Variants in CHST11 observed in about 807,000 individuals in gnomAD.
CHST11 encodes the protein C4S-1.
In CHST11, 9 loss-of-function variants were observed where a neutral mutation model predicts 30.4. The ratio of observed to expected loss-of-function variants is 0.30; its 90% confidence interval spans 0.18 to 0.52. The LOEUF (loss-of-function observed/expected upper bound fraction) is 0.52, where lower values mean the gene tolerates loss of function less well. Among genes scored for constraint, CHST11 ranks in the 20% least tolerant of loss-of-function variants. The probability of loss-of-function intolerance (pLI) is 0.97; values close to 1 mark genes in which losing one functional copy is unlikely to be tolerated. For missense variants in CHST11, 348 were observed against 460.6 expected (o/e 0.76, Z 2.24); for synonymous variants, 152 against 187.8 (o/e 0.81, Z 1.56).
chr12:104,560,908 C>T (rs2038506797), intron 1 of CHST11, among the ~76,000 whole-genome samples: 1 of 152,170 alleles, frequency 6.6e-6, no homozygotes, highest in African/African-American at 2.4e-5. Context: ...TGTGACATTG[C>T]TGTGGTCAGC....
chr12:104,508,497 G>T (rs1452383712), intron 1 of CHST11, among the ~76,000 whole-genome samples: 3 of 152,204 alleles, frequency 2.0e-5, no homozygotes, highest in Admixed American at 1.3e-4. Flanking sequence ...CCCTGTTGCT[G>T]TTGAAGCAAG....
At chr12:104,668,520 AATACAGTC>A (rs2039661391) in intron 2 of CHST11, among the ~76,000 whole-genome samples, 2 of 152,178 alleles carry the variant, frequency 1.3e-5, no homozygotes, top group African/African-American at 4.8e-5. Context: ...TGGGCAACTG[AATACAGTC>A]CCCATAAAGC....
chr12:104,725,777 T>C (rs2040212217), intron 2 of CHST11, among the ~76,000 whole-genome samples: 1 of 151,898 alleles, frequency 6.6e-6, no homozygotes, highest in Admixed American at 6.6e-5. Flanking sequence ...TCTTGGAGAG[T>C]GGGCAGTGGG....
At chr12:104,610,041 CTCTGTGTGTGTGTGTGTG>C (rs2039043524) in intron 2 of CHST11, among the ~76,000 whole-genome samples, 1 of 120,442 alleles carries the variant, frequency 8.3e-6, no homozygotes, top group African/African-American at 3.3e-5. Context: ...CCATGAGTGC[CTCTGTGTGTGTGTGTGTG>C]TGTGTGTGTG....
chr12:104,500,485 C>T (rs2037842417), intron 1 of CHST11, among the ~76,000 whole-genome samples: 3 of 152,156 alleles, frequency 2.0e-5, no homozygotes, highest in Non-Finnish European at 4.4e-5. Flanking sequence ...CTTCTGACTT[C>T]TTCTACCCTT....
rs115110872 is a variant in CHST11, at chr12:104,734,113, T to G, written c.205-22836T>G. Among the ~76,000 whole-genome samples the G allele has an allele frequency of 4.1e-3, 618 of 152,292 alleles. 11 individuals carry two copies. The highest frequency in any genetic ancestry group is 0.014 in the African/African-American group (584 of 41,566). On this transcript the variant is annotated intron_variant, in intron 2 of 2. Transcript: ENST00000303694. Reference sequence around the variant, plus strand: ...GCCAGCTTCCGCCAGCAGAGCTGCTTATTGAGAGGTACCTGGTCAGCACTG... The same window carrying G: ...GCCAGCTTCCGCCAGCAGAGCTGCTGATTGAGAGGTACCTGGTCAGCACTG...
intron 2 of CHST11, among the ~76,000 whole-genome samples, chr12:104,700,203 G>A (rs2039979977): frequency 6.6e-6 from 1 of 151,920 alleles, no homozygotes; most frequent in South Asian, 2.1e-4. Flanking sequence ...GTACTACAAG[G>A]ATAGCAAAAC....
Position 104,676,295 on chromosome 12 carries a change from G to T in CHST11, c.204+74304G>T, listed in dbSNP as rs549510282. Among the ~76,000 whole-genome samples the T allele has an allele frequency of 1.4e-4, 21 of 152,306 alleles. No individual in the cohort carries two copies. The South Asian group carries it at 3.9e-3, about 29-fold the overall frequency. ...CCGCAGAAATGAGTTCCTTCCAGAG[G>T]TTCCAGTGGAGAATCTGTCCCTTGC... On this transcript the variant is annotated intron_variant, in intron 2 of 2. Transcript: ENST00000303694. The surrounding 1 kb of genome is among the most constrained non-coding windows in gnomAD (Gnocchi z 4.4).
intron 1 of CHST11, among the ~76,000 whole-genome samples, chr12:104,574,603 G>A (rs1398003682): frequency 6.0e-5 from 9 of 151,226 alleles, no homozygotes; most frequent in Admixed American, 4.6e-4. Context: ...GCAAACTATC[G>A]CAAGGACAAA....
chr12:104,550,173 G>T (rs575855016), intron 1 of CHST11, among the ~76,000 whole-genome samples: 35 of 152,334 alleles, frequency 2.3e-4, no homozygotes, highest in African/African-American at 7.9e-4. Flanking sequence ...AGGCTTTCCA[G>T]TCTAGAGCTT....
chr12:104,656,476 A>G (rs937431880), intron 2 of CHST11, among the ~76,000 whole-genome samples: 2 of 152,200 alleles, frequency 1.3e-5, no homozygotes, highest in South Asian at 2.1e-4. Flanking sequence ...AGGTGGCCAC[A>G]GTAACTTTGC....
intron 1 of CHST11, among the ~76,000 whole-genome samples, chr12:104,498,384 T>C (rs2037821286): frequency 1.3e-5 from 2 of 152,168 alleles, no homozygotes. Context: ...GTCCATTTTA[T>C]TTTAAAGGCT....
chr12:104,590,366 T>G (rs1484057545), intron 1 of CHST11, among the ~76,000 whole-genome samples: 1 of 152,216 alleles, frequency 6.6e-6, no homozygotes, highest in Admixed American at 6.5e-5. Flanking sequence ...ATGACTCTTA[T>G]CAGGAAAGTT....
chr12:104,718,605 G>A (rs1382278734), intron 2 of CHST11, among the ~76,000 whole-genome samples: 1 of 152,160 alleles, frequency 6.6e-6, no homozygotes. Context: ...CAGTCCCTTT[G>A]AGGAGTGGCG....
At chr12:104,521,175 C>T (rs899805540) in intron 1 of CHST11, among the ~76,000 whole-genome samples, 5 of 152,142 alleles carry the variant, frequency 3.3e-5, no homozygotes, top group South Asian at 2.1e-4. Context: ...CCATTGTATT[C>T]GAGTCTACCC....
intron 2 of CHST11, among the ~76,000 whole-genome samples, chr12:104,680,205 A>T (rs192639295): frequency 6.6e-6 from 1 of 152,332 alleles, no homozygotes; most frequent in East Asian, 1.9e-4. Flanking sequence ...GATATATAAG[A>T]AGATACAAGG....
chr12:104,670,143 C>T (rs1484312012), intron 2 of CHST11, among the ~76,000 whole-genome samples: 1 of 152,192 alleles, frequency 6.6e-6, no homozygotes, highest in Non-Finnish European at 1.5e-5. Context: ...GGCCTGCTGG[C>T]CTCACAGGGA....
Position 104,757,161 on chromosome 12 carries a change from C to G in CHST11, c.417C>G (p.Thr139=). The change falls in exon 3 of 3, where the codon ACC becomes ACG. Residue 139 remains threonine, a synonymous_variant. Coordinates refer to ENST00000303694, the MANE Select transcript of CHST11 (RefSeq NM_018413.6). The surrounding 1 kb of genome is among the most constrained non-coding windows in gnomAD (Gnocchi z 6.5). ...TNWKRLMMVL[T]GRGKYSDPME... ...GGAAGCGGCTCATGATGGTCCTGAC[C>G]GGGCGGGGGAAGTACAGCGACCCCA... 6.2e-7 allele frequency: 1 copy of G among 1,614,090 alleles called. No homozygotes were observed.
chr12:104,723,743 C>G (rs2040196163), intron 2 of CHST11, among the ~76,000 whole-genome samples: 1 of 152,214 alleles, frequency 6.6e-6, no homozygotes, highest in African/African-American at 2.4e-5. Flanking sequence ...TGGAAAGGGG[C>G]TCTGTCGTAT....
Sources: gnomAD v4.1 joint callset for allele counts (sites outside exome capture counted in the v4.1 genomes callset) on GRCh38, gnomAD v4.1.1 for gene constraint, Gnocchi (gnomAD v3.1) non-coding constraint, MANE v1.5 for transcripts, NCBI Gene and HGNC (gene_info 2026-07-23, HGNC 2026-07-21) for gene names.